TAMM41: variants seen among roughly 807,000 people sequenced by gnomAD.
The protein encoded by TAMM41 is TAM41 mitochondrial translocator assembly and maintenance homolog.
A neutral mutation model predicts 44.1 loss-of-function variants in TAMM41; 36 were observed. The ratio of observed to expected loss-of-function variants is 0.82; its 90% CI spans 0.63 to 1.08. TAMM41 has a LOEUF of 1.08. TAMM41 is among the 50% of genes least tolerant of loss of function. The pLI, the probability that TAMM41 is intolerant of heterozygous loss-of-function variation, is 0.00. For missense variants in TAMM41, 417 were observed against 404.3 expected (o/e 1.03, Z -0.27); for synonymous variants, 164 against 153.1 (o/e 1.07, Z -0.53).
the TAMM41 span, among the ~76,000 whole-genome samples, chr3:11,731,659 T>C: frequency 6.6e-6 from 1 of 152,292 alleles, no homozygotes; most frequent in East Asian, 1.9e-4. Context: ...GATGTGTTTG[T>C]TTTTATTTCC....
chr3:11,790,966 CTA>C (rs2077464529), intron 7 of TAMM41, among the ~76,000 whole-genome samples: 1 of 152,222 alleles, frequency 6.6e-6, no homozygotes, highest in Admixed American at 6.5e-5. Context: ...CTCACTGTCT[CTA>C]TGTCACTGTG....
chr3:11,791,955 G>A (rs2077488817), intron 7 of TAMM41, among the ~76,000 whole-genome samples: 1 of 152,096 alleles, frequency 6.6e-6, no homozygotes, highest in South Asian at 2.1e-4. Context: ...TATTATATAA[G>A]GTGGTTTTTA....
chr3:11,844,206 A>T lies in TAMM41; in HGVS notation c.141T>A (p.Ala47=), dbSNP rs888171072. The T allele has an allele frequency of 6.2e-7, 1 of 1,613,604 alleles. No homozygotes were observed. The highest frequency in any genetic ancestry group is 1.7e-5 in the Admixed American group (1 of 59,926). ...QAGPSSDQKN[A]MLDFVFTVDD... ...CTACTGTGAACACAAAGTCCAGCATAGCATTCTGTGGAGTGAAGAAAAGAG... is the reference window on the plus strand; with the variant it reads ...CTACTGTGAACACAAAGTCCAGCATTGCATTCTGTGGAGTGAAGAAAAGAG... The change falls in exon 2 of 8, where the codon GCT becomes GCA. Residue 47 remains alanine, a synonymous_variant. Coordinates refer to ENST00000455809, the MANE Select transcript of TAMM41 (RefSeq NM_001284401.2).
At chr3:11,767,344 C>T in the TAMM41 span, among the ~76,000 whole-genome samples, 18 of 152,168 alleles carry the variant, frequency 1.2e-4, no homozygotes, top group Non-Finnish European at 2.4e-4. Flanking sequence ...GCTGGGATTA[C>T]AGGCGTGAGT....
chr3:11,787,000 T>C (rs2077421667), downstream of TAMM41, among the ~76,000 whole-genome samples: 1 of 152,184 alleles, frequency 6.6e-6, no homozygotes, highest in Non-Finnish European at 1.5e-5. Flanking sequence ...TCTTGTTCTG[T>C]CATAGTCACA....
chr3:11,806,960 T>C (rs948420133), intron 7 of TAMM41, among the ~76,000 whole-genome samples: 1 of 152,228 alleles, frequency 6.6e-6, no homozygotes, highest in Middle Eastern at 3.4e-3. Context: ...AGGAAAGTGA[T>C]TTCTAATCAA....
At chr3:11,759,210 T>G in the TAMM41 span, among the ~76,000 whole-genome samples, 6 of 152,096 alleles carry the variant, frequency 3.9e-5, no homozygotes, top group South Asian at 8.3e-4. Flanking sequence ...CCACCTGCAT[T>G]TGCTCGGCAC....
At chr3:11,821,522 T>C (rs2078518657) in intron 4 of TAMM41, among the ~76,000 whole-genome samples, 1 of 152,214 alleles carries the variant, frequency 6.6e-6, no homozygotes, top group Non-Finnish European at 1.5e-5. Context: ...TGGCTGTCAA[T>C]ACAAATGAAG....
At chr3:11,845,295 T>C (rs1026118753) in intron 1 of TAMM41, among the ~76,000 whole-genome samples, 1 of 152,190 alleles carries the variant, frequency 6.6e-6, no homozygotes, top group African/African-American at 2.4e-5. Context: ...TGGGGACTGA[T>C]GTGAGAAAGA....
the TAMM41 span, among the ~76,000 whole-genome samples, chr3:11,732,989 G>GTTTTTTTTTTTTTTTTTTTTTTT: frequency 7.8e-6 from 1 of 128,464 alleles, no homozygotes; most frequent in African/African-American, 3.0e-5. Flanking sequence ...TATGATTTGA[G>GTTTTTTTTTTTTTTTTTTTTTTT]TTTTTTTTTT....
the TAMM41 span, among the ~76,000 whole-genome samples, chr3:11,729,887 A>C: frequency 3.3e-5 from 5 of 152,236 alleles, no homozygotes; most frequent in East Asian, 9.6e-4. Flanking sequence ...AGTGTTGAAC[A>C]TTCTCATTTA....
chr3:11,829,063 G>C (rs1338495316), intron 4 of TAMM41, among the ~76,000 whole-genome samples: 1 of 152,096 alleles, frequency 6.6e-6, no homozygotes, highest in Non-Finnish European at 1.5e-5. Context: ...GTGGCCAGGG[G>C]CTCTACCCTC....
chr3:11,723,204 A>G, the TAMM41 span, among the ~76,000 whole-genome samples: 2 of 151,978 alleles, frequency 1.3e-5, no homozygotes, highest in Non-Finnish European at 2.9e-5. Context: ...GGGGGCAGGC[A>G]TGGGATTGGA....
At chr3:11,730,463 G>A in the TAMM41 span, among the ~76,000 whole-genome samples, 6 of 149,976 alleles carry the variant, frequency 4.0e-5, no homozygotes, top group East Asian at 5.9e-4. Flanking sequence ...GGCTGGGCGC[G>A]GTGGCTCACG....
chr3:11,772,429 CTGTCACAAG>C, the TAMM41 span, among the ~76,000 whole-genome samples: 2 of 152,138 alleles, frequency 1.3e-5, no homozygotes. Context: ...TATTGTTTAG[CTGTCACAAG>C]TGACAACAAG....
chr3:11,786,460 AC>A (rs1330710180), downstream of TAMM41, among the ~76,000 whole-genome samples: 1 of 151,512 alleles, frequency 6.6e-6, no homozygotes, highest in Non-Finnish European at 1.5e-5. Context: ...ATGAGCCACC[AC>A]ACCTGGCTAA....
At chr3:11,846,401 G>A (rs2079692976) in intron 1 of TAMM41, 101 bp downstream of exon 1, 4 of 1,352,434 alleles carry the variant, frequency 3.0e-6, no homozygotes, top group Non-Finnish European at 4.2e-6. Flanking sequence ...CACGTGGAGT[G>A]TGCAGAGCGG....
chr3:11,824,357 ATTTTTTT>A (rs34155955), intron 4 of TAMM41, among the ~76,000 whole-genome samples: 7 of 105,134 alleles, frequency 6.7e-5, no homozygotes, highest in Admixed American at 2.1e-4. Flanking sequence ...TGCCTGGCTA[ATTTTTTT>A]TTTTTTTTTT....
chr3:11,780,363 A>G, the TAMM41 span, among the ~76,000 whole-genome samples: 2 of 152,184 alleles, frequency 1.3e-5, no homozygotes, highest in African/African-American at 4.8e-5. Context: ...CTATGTCTGG[A>G]ATACTCTTCC....
Sources: gnomAD v4.1 joint callset for allele counts (sites outside exome capture counted in the v4.1 genomes callset) on GRCh38, gnomAD v4.1.1 for gene constraint, MANE v1.5 for transcripts, NCBI Gene and HGNC (gene_info 2026-07-23, HGNC 2026-07-21) for gene names.